NAV2: variants seen among roughly 807,000 people sequenced by gnomAD.
NAV2 encodes the protein neuron navigator 2.
In NAV2, 54 loss-of-function variants were observed where a neutral mutation model predicts 223.2. The ratio of observed to expected loss-of-function variants is 0.24; its 90% CI spans 0.19 to 0.30. NAV2 has a LOEUF of 0.30. NAV2 is among the 10% of genes least tolerant of loss of function. The pLI, the probability that NAV2 is intolerant of heterozygous loss-of-function variation, is 1.00. For synonymous variants in NAV2, 1,279 were observed against 1,239.3 expected, an observed-to-expected ratio of 1.03 and a Z score of -0.67; for missense variants, 2,806 against 3,147.5, an observed-to-expected ratio of 0.89 and a Z score of 2.60.
rs2063100951 is a variant in NAV2, at chr11:19,880,015, T to C, written c.658T>C (p.Cys220Arg). 1.2e-6 allele frequency: 2 copies of C among 1,613,756 alleles called. No homozygotes were observed. The highest frequency in any genetic ancestry group is 4.5e-5 in the East Asian group (2 of 44,850). ...VSQVAGAPSQ[C>R]QAGTPQQQVP... The stretch of plus-strand genomic sequence containing the variant: ...CCAGGTGGCCGGGGCCCCCTCCCAG[T>C]GCCAGGCTGGCACCCCTCAGCAGCA... Residue 220 changes from cysteine to arginine, a missense_variant, in exon 5 of 38, where the codon TGC becomes CGC. Physicochemically the swap from Cys to Arg is radical, Grantham distance 180 (BLOSUM62 -3). This residue lies in a region of NAV2 where 1,167 missense variants were observed against 1,180.5 expected (regional missense o/e 0.99). Coordinates refer to ENST00000349880, the MANE Select transcript of NAV2 (RefSeq NM_145117.5).
chr11:19,691,890 A>G (rs1323495303), intron 1 of NAV2, among the ~76,000 whole-genome samples: 1 of 152,254 alleles, frequency 6.6e-6, no homozygotes, highest in African/African-American at 2.4e-5. Flanking sequence ...GTCAAAATGC[A>G]CAGCTAAATG....
intron 1 of NAV2, among the ~76,000 whole-genome samples, chr11:19,571,391 C>T (rs1310563742): frequency 2.0e-5 from 3 of 152,192 alleles, no homozygotes; most frequent in African/African-American, 7.2e-5. Flanking sequence ...TATGAAAGTA[C>T]TAAGTGTCAC....
intron 1 of NAV2, among the ~76,000 whole-genome samples, chr11:19,441,507 T>C (rs567926588): frequency 6.6e-6 from 1 of 151,892 alleles, no homozygotes; most frequent in African/African-American, 2.4e-5. Context: ...TGTGTACAGA[T>C]AGCAGTAAGA....
intron 1 of NAV2, among the ~76,000 whole-genome samples, chr11:19,739,063 C>T (rs999955282): frequency 5.3e-5 from 8 of 152,188 alleles, no homozygotes; most frequent in Non-Finnish European, 1.2e-4. Context: ...CGCCTGTGGT[C>T]TCAGCTACTC....
chr11:19,396,220 C>T (rs759794468), intron 1 of NAV2, among the ~76,000 whole-genome samples: 2 of 152,148 alleles, frequency 1.3e-5, no homozygotes, highest in Non-Finnish European at 2.9e-5. Context: ...ATTTAGTAAG[C>T]ACACCTAGTA....
intron 3 of NAV2, among the ~76,000 whole-genome samples, chr11:19,853,160 G>A (rs2152983782): frequency 1.3e-5 from 2 of 152,280 alleles, no homozygotes; most frequent in South Asian, 4.1e-4. Context: ...GTATGCCTAG[G>A]GAGGAGCTGG....
chr11:19,591,426 G>GA (rs569417111), intron 1 of NAV2: 44 of 152,284 alleles, frequency 2.9e-4, no homozygotes, highest in African/African-American at 1.0e-3. Flanking sequence ...TGCCATGGTT[G>GA]TCTCTTCTCT....
intron 1 of NAV2, among the ~76,000 whole-genome samples, chr11:19,618,041 C>G (rs1365911322): frequency 6.6e-6 from 1 of 152,216 alleles, no homozygotes; most frequent in Non-Finnish European, 1.5e-5. Context: ...TAGTCATCAT[C>G]TTCTCACATA....
At chr11:19,722,120 G>T (rs2050792305) in intron 1 of NAV2, among the ~76,000 whole-genome samples, 1 of 152,174 alleles carries the variant, frequency 6.6e-6, no homozygotes, top group Non-Finnish European at 1.5e-5. Flanking sequence ...GTTTCATGAG[G>T]TTTAAGTTCT....
At chr11:19,978,113 C>T (rs1430900525) in intron 10 of NAV2, among the ~76,000 whole-genome samples, 1 of 151,616 alleles carries the variant, frequency 6.6e-6, no homozygotes, top group African/African-American at 2.4e-5. Context: ...GCGTGAGCCA[C>T]CACACCCAGC....
chr11:19,625,213 T>C (rs971026448), intron 1 of NAV2, among the ~76,000 whole-genome samples: 1 of 152,228 alleles, frequency 6.6e-6, no homozygotes, highest in Non-Finnish European at 1.5e-5. Context: ...TCTCCCTATC[T>C]TTCCCTTCCT....
At chr11:19,585,574 G>C (rs1017339445) in intron 1 of NAV2, among the ~76,000 whole-genome samples, 20 of 152,158 alleles carry the variant, frequency 1.3e-4, no homozygotes, top group African/African-American at 4.6e-4. Flanking sequence ...GGCAGGCCTG[G>C]TGGTGACAAA....
At chr11:19,420,678 G>T (rs1168100728) in intron 1 of NAV2, among the ~76,000 whole-genome samples, 1 of 152,150 alleles carries the variant, frequency 6.6e-6, no homozygotes, top group Non-Finnish European at 1.5e-5. Flanking sequence ...CTTCTATAAA[G>T]TTCCAAATAG....
chr11:19,853,245 A>G (rs1332619776), intron 3 of NAV2, among the ~76,000 whole-genome samples: 2 of 152,252 alleles, frequency 1.3e-5, no homozygotes, highest in African/African-American at 4.8e-5. Context: ...GCCAAGCATG[A>G]CACATTGTCT....
chr11:19,617,605 T>C (rs991246802), intron 1 of NAV2, among the ~76,000 whole-genome samples: 7 of 152,182 alleles, frequency 4.6e-5, no homozygotes, highest in African/African-American at 1.2e-4. Context: ...AGATTAAATA[T>C]GGTAGGTGTG....
chr11:19,641,441 C>T (rs530041416), intron 1 of NAV2, among the ~76,000 whole-genome samples: 1 of 152,120 alleles, frequency 6.6e-6, no homozygotes, highest in Admixed American at 6.5e-5. Context: ...GTCTTGCTGC[C>T]TCTATTCTTG....
At chr11:19,567,901 T>A (rs2134856276) in intron 1 of NAV2, among the ~76,000 whole-genome samples, 1 of 152,306 alleles carries the variant, frequency 6.6e-6, no homozygotes, top group South Asian at 2.1e-4. Context: ...ACACCCTGCC[T>A]CATGCCCAGT....
At chr11:19,842,117 C>T (rs2060544665) in intron 2 of NAV2, among the ~76,000 whole-genome samples, 1 of 152,178 alleles carries the variant, frequency 6.6e-6, no homozygotes, top group Non-Finnish European at 1.5e-5. Context: ...CACAGTCTCT[C>T]CATAGATATC....
chr11:20,089,767 C>A (rs1364571374), intron 26 of NAV2, among the ~76,000 whole-genome samples: 1 of 152,122 alleles, frequency 6.6e-6, no homozygotes, highest in South Asian at 2.1e-4. Flanking sequence ...CAATTCATCA[C>A]GACTTGTATG....
Sources: gnomAD v4.1 joint callset for allele counts (sites outside exome capture counted in the v4.1 genomes callset) on GRCh38, gnomAD v4.1.1 for gene constraint, gnomAD v4.1.1 regional missense constraint, MANE v1.5 for transcripts, NCBI Gene and HGNC (gene_info 2026-07-23, HGNC 2026-07-21) for gene names.